Variants in RIPOR2 observed in about 807,000 individuals in gnomAD.
The protein encoded by RIPOR2 is rho family-interacting cell polarization regulator 2.
In RIPOR2, 39 loss-of-function variants were observed where a neutral mutation model predicts 114.5. The ratio of observed to expected loss-of-function variants is 0.34; its 90% CI spans 0.26 to 0.44. RIPOR2 has a LOEUF of 0.44. RIPOR2 is among the 20% of genes least tolerant of loss of function. The pLI is 1.00. For missense variants in RIPOR2, 1,007 were observed against 1,255.1 expected (o/e 0.80, Z 2.99); for synonymous variants, 445 against 484.4 (o/e 0.92, Z 1.07).
chr6:24,932,284 G>A (rs1404374096), intron 1 of RIPOR2, among the ~76,000 whole-genome samples: 2 of 151,952 alleles, frequency 1.3e-5, no homozygotes, highest in Non-Finnish European at 2.9e-5. Context: ...TAAATGACGT[G>A]ATGATGTTGT....
intron 7 of RIPOR2, 24 bp from the exon 8 acceptor site, chr6:24,861,060 C>T (rs756151723): frequency 1.5e-5 from 24 of 1,568,724 alleles, no homozygotes; most frequent in Non-Finnish European, 2.1e-5. Flanking sequence ...AGGAGACGAT[C>T]ATGAGAGCTA....
At chr6:24,984,187 G>T (rs148269966) in intron 1 of RIPOR2, among the ~76,000 whole-genome samples, 2 of 152,152 alleles carry the variant, frequency 1.3e-5, no homozygotes, top group African/African-American at 2.4e-5. Flanking sequence ...TGTCTCACGC[G>T]TCCGTGTGAA....
intron 1 of RIPOR2, among the ~76,000 whole-genome samples, chr6:25,019,495 C>T (rs182500840): frequency 6.5e-4 from 99 of 151,956 alleles, no homozygotes; most frequent in African/African-American, 2.3e-3. Context: ...GTCGGCGGGG[C>T]GCGGTGGCTC....
chr6:24,881,227 G>A (rs1766328530), intron 1 of RIPOR2, among the ~76,000 whole-genome samples: 1 of 152,210 alleles, frequency 6.6e-6, no homozygotes. Context: ...CTGGGTGGCT[G>A]GGGCTTTGAA....
intron 1 of RIPOR2, among the ~76,000 whole-genome samples, chr6:24,981,024 A>C (rs1444863690): frequency 2.0e-5 from 3 of 152,322 alleles, no homozygotes; most frequent in East Asian, 1.9e-4. Flanking sequence ...TGCAAAAACA[A>C]GGGTGGGTCT....
chr6:24,817,493 A>T, intron 20 of RIPOR2, among the ~76,000 whole-genome samples: 1 of 30,886 alleles, frequency 3.2e-5, no homozygotes, highest in Non-Finnish European at 1.2e-4. Flanking sequence ...GAACTCCCTG[A>T]CCCCTTGCGC....
chr6:25,041,211 GATAA>G (rs1777451393), intron 1 of RIPOR2, among the ~76,000 whole-genome samples: 1 of 152,148 alleles, frequency 6.6e-6, no homozygotes, highest in South Asian at 2.1e-4. Context: ...TGACATCTGA[GATAA>G]ATAAACATCT....
At chr6:25,007,322 GT>G (rs1775599129) in intron 1 of RIPOR2, among the ~76,000 whole-genome samples, 1 of 152,080 alleles carries the variant, frequency 6.6e-6, no homozygotes, top group African/African-American at 2.4e-5. Context: ...GATATTGTTG[GT>G]CTTATCCTGT....
intron 1 of RIPOR2, among the ~76,000 whole-genome samples, chr6:24,920,667 G>A (rs1289578330): frequency 1.3e-5 from 2 of 152,128 alleles, no homozygotes; most frequent in Admixed American, 1.3e-4. Context: ...TCGCTATTCT[G>A]AGTACTTAGA....
intron 1 of RIPOR2, among the ~76,000 whole-genome samples, chr6:24,887,788 C>T (rs1489324537): frequency 6.6e-6 from 1 of 151,984 alleles, no homozygotes; most frequent in African/African-American, 2.4e-5. Context: ...CCATTTTAGC[C>T]CTGGGGAAAA....
rs770269416 is a variant in RIPOR2, at chr6:24,835,691, C to T, written c.2208+12G>A. On this transcript the variant is annotated intron_variant, in intron 15 of 21. Coordinates refer to ENST00000643898, the MANE Select transcript of RIPOR2 (RefSeq NM_001286445.3). ...CCTGGCATCTCAAACACAAATTCAT[C>T]GCTGATCCTACCTGCACGAGTTGGG... 1.4e-5 allele frequency: 22 copies of T among 1,550,306 alleles called. No homozygotes were observed. The highest frequency in any genetic ancestry group is 2.7e-5 in the African/African-American group (2 of 73,000).
intron 16 of RIPOR2, among the ~76,000 whole-genome samples, chr6:24,831,856 C>G (rs1760713896): frequency 6.6e-6 from 1 of 152,140 alleles, no homozygotes; most frequent in Admixed American, 6.5e-5. Flanking sequence ...TGTACCTTTC[C>G]CCAGCAGGGT....
Position 24,848,935 on chromosome 6 carries a change from G to T in RIPOR2, c.1035-781C>A, listed in dbSNP as rs556217848. Among the ~76,000 whole-genome samples the T allele has an allele frequency of 3.3e-5, 5 of 152,148 alleles. 1 individual carries two copies. In the South Asian group the frequency reaches 1.0e-3, roughly 32 times the overall value. ...TTTGTTTTTTTGGAGATGGAGTTTT[G>T]CTCTTGTTGCCCAGGCTGGAGTGCA... On this transcript the variant is annotated intron_variant, in intron 11 of 21. Transcript: ENST00000643898.
intron 1 of RIPOR2, among the ~76,000 whole-genome samples, chr6:24,915,966 G>T (rs1770045776): frequency 6.6e-6 from 1 of 152,236 alleles, no homozygotes; most frequent in South Asian, 2.1e-4. Flanking sequence ...ATCCAGGGAA[G>T]AGTCTTGGAA....
At chr6:24,875,549 A>G in intron 2 of RIPOR2, 142 bp downstream of exon 2, 1 of 739,622 alleles carries the variant, frequency 1.4e-6, no homozygotes, top group East Asian at 2.7e-5. Flanking sequence ...TTTTTAGTAC[A>G]TCCTTTCCAT....
chr6:25,033,177 A>T (rs1177550834), intron 1 of RIPOR2, among the ~76,000 whole-genome samples: 1 of 151,062 alleles, frequency 6.6e-6, no homozygotes, highest in Non-Finnish European at 1.5e-5. Context: ...ACGGCGCCAC[A>T]CGCCTGGGTG....
chr6:24,856,997 T>C (rs1382684288), intron 8 of RIPOR2, among the ~76,000 whole-genome samples: 1 of 152,184 alleles, frequency 6.6e-6, no homozygotes, highest in Non-Finnish European at 1.5e-5. Flanking sequence ...TCTCAGCCCA[T>C]GTTACTAAGC....
intron 20 of RIPOR2, among the ~76,000 whole-genome samples, chr6:24,817,849 G>T (rs1360551241): frequency 4.6e-5 from 7 of 151,942 alleles, no homozygotes; most frequent in Non-Finnish European, 8.8e-5. Context: ...GTGGCATACT[G>T]AATTTAGTAC....
Position 24,805,716 on chromosome 6 carries a change from T to A in RIPOR2, c.*657A>T, listed in dbSNP as rs1325721292. On this transcript the variant is annotated 3_prime_UTR_variant, in exon 22 of 22. Coordinates refer to ENST00000643898, the MANE Select transcript of RIPOR2 (RefSeq NM_001286445.3). Reference sequence around the variant, plus strand: ...ATATGATGTTTGTCGAAGTATCACATGACTATTTCAAGCTTATAGAGAAAC... The same window carrying A: ...ATATGATGTTTGTCGAAGTATCACAAGACTATTTCAAGCTTATAGAGAAAC... The A allele has an allele frequency of 6.6e-6, 1 of 151,980 alleles. No individual in the cohort carries two copies. Among genetic ancestry groups the A allele is most frequent in the Non-Finnish European group, 1.5e-5 (1 of 67,976 alleles). The allele number at this position is 151,980 out of a possible 1,614,324, so 9.4% of individuals were successfully genotyped here.
Sources: gnomAD v4.1 joint callset for allele counts (sites outside exome capture counted in the v4.1 genomes callset) on GRCh38, gnomAD v4.1.1 for gene constraint, MANE v1.5 for transcripts, NCBI Gene and HGNC (gene_info 2026-07-23, HGNC 2026-07-21) for gene names.